Variants in ENAH observed in about 807,000 individuals in gnomAD.
ENAH encodes the protein protein enabled homolog.
Under a neutral mutation model 78.7 loss-of-function variants are expected in ENAH, and 23 were observed. The ratio of observed to expected loss-of-function variants is 0.29; its 90% confidence interval spans 0.21 to 0.41. The LOEUF (loss-of-function observed/expected upper bound fraction) is 0.41. ENAH is among the 10% of genes least tolerant of loss of function. The probability of loss-of-function intolerance (pLI) is 1.00; values close to 1 mark genes in which losing one functional copy is unlikely to be tolerated. For synonymous variants in ENAH, 226 were observed against 241.0 expected (o/e 0.94, Z 0.58); for missense variants, 544 against 691.0 (o/e 0.79, Z 2.39).
Position 225,581,369 on chromosome 1 carries a change from T to C in ENAH, c.6-13955A>G, listed in dbSNP as rs114761928. On this transcript the variant is annotated intron_variant, in intron 1 of 13. Transcript: ENST00000366843. ...AATATCAAGTGTGGCTAATTTTAGCTATAAAGGCACCAGGCAGAGCCAAGT... is the reference window on the plus strand; with the variant it reads ...AATATCAAGTGTGGCTAATTTTAGCCATAAAGGCACCAGGCAGAGCCAAGT... 5,540 of 846,254 alleles carry C rather than the reference T, an allele frequency of 6.5e-3. 19 individuals are homozygous for C. Among genetic ancestry groups the C allele is most frequent in the Non-Finnish European group, 7.4e-3 (5,201 of 702,804 alleles). 52.4% of individuals were successfully genotyped at this position (846,254 alleles called of 1,614,324 possible). A position where few individuals can be genotyped will look rare whatever the true frequency, so the allele number is the denominator to read the frequency against.
At chr1:225,600,673 C>A (rs1168639147) in intron 1 of ENAH, among the ~76,000 whole-genome samples, 2 of 151,922 alleles carry the variant, frequency 1.3e-5, no homozygotes, top group Non-Finnish European at 2.9e-5. Flanking sequence ...GCCTGGGCAA[C>A]AAGGTGAGAC....
intron 1 of ENAH, among the ~76,000 whole-genome samples, chr1:225,590,082 A>AACACACACAC (rs3050220): frequency 3.5e-3 from 464 of 131,468 alleles, no homozygotes; most frequent in Non-Finnish European, 3.7e-3. Context: ...CTCATCACTC[A>AACACACACAC]ACACACACAC....
At chr1:225,574,967 AATAAAC>A (rs2096781552) in intron 1 of ENAH, among the ~76,000 whole-genome samples, 2 of 152,142 alleles carry the variant, frequency 1.3e-5, no homozygotes, top group South Asian at 4.1e-4. Flanking sequence ...AGATACGAAT[AATAAAC>A]ATATTTTCTC....
intron 11 of ENAH, among the ~76,000 whole-genome samples, chr1:225,506,649 A>C (rs2096332961): frequency 6.6e-6 from 1 of 152,204 alleles, no homozygotes; most frequent in Non-Finnish European, 1.5e-5. Flanking sequence ...CACCAAAAGC[A>C]ATTCCCCCTT....
chr1:225,649,574 C>A (rs1662594434), intron 1 of ENAH, among the ~76,000 whole-genome samples: 1 of 152,226 alleles, frequency 6.6e-6, no homozygotes, highest in South Asian at 2.1e-4. Flanking sequence ...TAGAACTAAA[C>A]AGACAGGACA....
At chr1:225,638,612 T>C (rs1175363461) in intron 1 of ENAH, among the ~76,000 whole-genome samples, 1 of 152,206 alleles carries the variant, frequency 6.6e-6, no homozygotes. Flanking sequence ...GAAAGTAAAA[T>C]TGTGCAGGAC....
rs757250082 is a variant in ENAH, at chr1:225,637,824, G to A, written c.5+14862C>T. On this transcript the variant is annotated intron_variant, in intron 1 of 13. Coordinates refer to ENST00000366843, the MANE Select transcript of ENAH (RefSeq NM_018212.6). ...TATAGTCCCAGCTACTTAGGAAGCCGAGGTGCAAGGATGGCTTGAGCCCAG... is the reference window on the plus strand; with the variant it reads ...TATAGTCCCAGCTACTTAGGAAGCCAAGGTGCAAGGATGGCTTGAGCCCAG... 4.9e-4 allele frequency among the ~76,000 whole-genome samples: 74 copies of A among 152,250 alleles called. 1 individual carries two copies. Among genetic ancestry groups the A allele is most frequent in the Non-Finnish European group, 1.9e-4 (13 of 68,020 alleles).
At chr1:225,544,929 T>C (rs2096606375) in intron 3 of ENAH, among the ~76,000 whole-genome samples, 1 of 152,164 alleles carries the variant, frequency 6.6e-6, no homozygotes, top group Non-Finnish European at 1.5e-5. Context: ...TGCTATTAAA[T>C]AGATGGTGGT....
intron 1 of ENAH, among the ~76,000 whole-genome samples, chr1:225,582,737 G>A (rs1425092510): frequency 6.6e-6 from 1 of 152,132 alleles, no homozygotes; most frequent in Non-Finnish European, 1.5e-5. Context: ...ACCAAAATAT[G>A]ACCCACTGCC....
chr1:225,590,960 A>G (rs2096872631), intron 1 of ENAH, among the ~76,000 whole-genome samples: 1 of 152,160 alleles, frequency 6.6e-6, no homozygotes, highest in African/African-American at 2.4e-5. Flanking sequence ...GTTCAATTAG[A>G]ATCTTTTATA....
chr1:225,626,779 T>G (rs1470156702), intron 1 of ENAH, among the ~76,000 whole-genome samples: 1 of 152,240 alleles, frequency 6.6e-6, no homozygotes, highest in Non-Finnish European at 1.5e-5. Flanking sequence ...CTTTCTTCTA[T>G]TCTCTAGTTA....
chr1:225,589,420 A>G (rs2096864354), intron 1 of ENAH, among the ~76,000 whole-genome samples: 1 of 152,236 alleles, frequency 6.6e-6, no homozygotes, highest in Non-Finnish European at 1.5e-5. Context: ...GCATCTAAAT[A>G]AATAAATAAA....
chr1:225,586,695 G>A (rs892653900), intron 1 of ENAH, among the ~76,000 whole-genome samples: 64 of 152,054 alleles, frequency 4.2e-4, no homozygotes, highest in African/African-American at 1.4e-3. Context: ...GTAATTCACC[G>A]TAACAGAATA....
At chr1:225,583,911 G>A (rs1245396766) in intron 1 of ENAH, among the ~76,000 whole-genome samples, 2 of 152,126 alleles carry the variant, frequency 1.3e-5, no homozygotes, top group Non-Finnish European at 2.9e-5. Context: ...CCAGCACTTT[G>A]GGAGGCCAAG....
At chr1:225,590,083 A>C (rs2096867738) in intron 1 of ENAH, among the ~76,000 whole-genome samples, 1 of 9,604 alleles carries the variant, frequency 1.0e-4, no homozygotes, top group Non-Finnish European at 1.7e-4. Flanking sequence ...TCATCACTCA[A>C]CACACACACA....
At chr1:225,513,482 G>T (rs1213743144) in intron 7 of ENAH, among the ~76,000 whole-genome samples, 2 of 152,052 alleles carry the variant, frequency 1.3e-5, no homozygotes, top group Non-Finnish European at 2.9e-5. Context: ...CTTGCACTAG[G>T]AAAAAAACTG....
At chr1:225,561,459 TA>T (rs199692216) in intron 2 of ENAH, among the ~76,000 whole-genome samples, 33,128 of 150,788 alleles carry the variant, frequency 0.22, 4,469 homozygotes, top group East Asian at 0.39. Context: ...CTGTCTCTAC[TA>T]AAAATATAAA....
intron 4 of ENAH, chr1:225,524,785 C>A: frequency 3.7e-5 from 16 of 434,980 alleles, no homozygotes; most frequent in Non-Finnish European, 4.9e-5. Flanking sequence ...TATTAAGGTT[C>A]TATGTGGAGA....
At chr1:225,558,249 A>G (rs2096677971) in intron 2 of ENAH, among the ~76,000 whole-genome samples, 1 of 152,194 alleles carries the variant, frequency 6.6e-6, no homozygotes, top group Admixed American at 6.5e-5. Context: ...GAGTTGACAA[A>G]AAGATAGGCA....
Sources: allele counts gnomAD v4.1 joint callset (sites outside exome capture counted in the v4.1 genomes callset), GRCh38; gene constraint gnomAD v4.1.1; transcripts MANE v1.5; gene names NCBI Gene and HGNC (gene_info 2026-07-23, HGNC 2026-07-21).